WAC: variants seen among roughly 807,000 people sequenced by gnomAD.
The protein encoded by WAC is WW domain-containing adapter protein with coiled-coil.
WAC carries 11 observed loss-of-function variants against 79.6 expected under a neutral mutation model. That is an observed-to-expected ratio of 0.14 (90% CI 0.09 to 0.23). WAC has a LOEUF of 0.23. Ranked by LOEUF, WAC falls within the 10% of genes least tolerant of loss-of-function variation. WAC has a pLI of 1.00. For missense variants in WAC, 728 were observed against 773.5 expected (o/e 0.94, Z 0.70); for synonymous variants, 304 against 276.9 (o/e 1.10, Z -0.97).
intron 13 of WAC, among the ~76,000 whole-genome samples, chr10:28,619,069 A>G (rs61848526): frequency 0.017 from 2,643 of 152,350 alleles, 33 homozygotes; most frequent in Middle Eastern, 0.037. Context: ...ACCTGAGGTC[A>G]GGAGTTCAAG....
chr10:28,618,605 A>T (rs1841575061), intron 13 of WAC, among the ~76,000 whole-genome samples: 1 of 152,256 alleles, frequency 6.6e-6, no homozygotes, highest in South Asian at 2.1e-4. Context: ...TTAGGAAAAC[A>T]GTATATACAG....
chr10:28,570,271 C>T (rs913844305), intron 3 of WAC, among the ~76,000 whole-genome samples: 1 of 152,094 alleles, frequency 6.6e-6, no homozygotes, highest in Admixed American at 6.5e-5. Flanking sequence ...TAGTTACCAA[C>T]TTTTATTCTA....
chr10:28,603,220 A>G (rs1840725503), intron 7 of WAC, among the ~76,000 whole-genome samples: 1 of 152,246 alleles, frequency 6.6e-6, no homozygotes, highest in Non-Finnish European at 1.5e-5. Flanking sequence ...AAATAAACTA[A>G]TGATAGCTGA....
At position 28,619,959 on chromosome 10, in the gene WAC, T is replaced by TAA. The variant is rs1564424907; in HGVS notation, c.*353_*354insAA. The TAA allele has an allele frequency of 1.4e-5, 2 of 146,036 alleles. No homozygotes were observed. The highest frequency in any genetic ancestry group is 2.2e-4 in the South Asian group (1 of 4,498). The allele number at this position is 146,036 out of a possible 1,614,324, so 9.0% of individuals were successfully genotyped here. ...AAACCTGTCTGCAAAATTAGCTTTT[T>TAA]TAAAAAAAAAAAAAAAAAAATTGGG... On this transcript the variant is annotated 3_prime_UTR_variant, in exon 14 of 14. Transcript: ENST00000354911.
intron 3 of WAC, among the ~76,000 whole-genome samples, chr10:28,572,502 G>A (rs895149677): frequency 4.6e-5 from 7 of 152,092 alleles, no homozygotes; most frequent in South Asian, 2.1e-4. Context: ...GATACAGAAT[G>A]TATAAAGGAT....
chr10:28,543,113 G>A (rs1837152441), intron 3 of WAC, among the ~76,000 whole-genome samples: 1 of 152,200 alleles, frequency 6.6e-6, no homozygotes, highest in Non-Finnish European at 1.5e-5. Flanking sequence ...TGTATACTAA[G>A]CACCTGGAGA....
At chr10:28,537,339 TC>T (rs1247830801) in intron 3 of WAC, among the ~76,000 whole-genome samples, 5 of 152,194 alleles carry the variant, frequency 3.3e-5, no homozygotes, top group African/African-American at 4.8e-5. Context: ...CAACCACTCT[TC>T]TATAGTGGAT....
intron 3 of WAC, among the ~76,000 whole-genome samples, chr10:28,575,875 C>T (rs2132579259): frequency 6.6e-6 from 1 of 152,320 alleles, no homozygotes; most frequent in East Asian, 1.9e-4. Context: ...AAATGAAGTA[C>T]TGTGTATGTG....
chr10:28,534,559 G>A (rs910915975), intron 2 of WAC, among the ~76,000 whole-genome samples: 5 of 152,326 alleles, frequency 3.3e-5, no homozygotes, highest in Admixed American at 6.5e-5. Flanking sequence ...GTTTCTGTAA[G>A]AATTGAGGTC....
rs1408509280 is a variant in WAC, at chr10:28,621,163, TTTC to T, written c.*1572_*1574del. On this transcript the variant is annotated 3_prime_UTR_variant, in exon 14 of 14. Transcript: ENST00000354911. ...TCTTGCCATCTGATTTAGAAAGGTG[TTTC>T]TTCTTCTTCTTCTTTTTTTTCTTTA... The T allele has an allele frequency of 2.1e-5, 3 of 145,070 alleles. No individual in the cohort carries two copies. Among genetic ancestry groups the T allele is most frequent in the Admixed American group, 6.8e-5 (1 of 14,790 alleles). The allele number at this position is 145,070 out of a possible 1,614,324, so 9.0% of individuals were successfully genotyped here.
intron 1 of WAC, 23 bp downstream of exon 1, chr10:28,533,643 G>A (rs1395346202): frequency 6.3e-7 from 1 of 1,599,920 alleles, no homozygotes; most frequent in South Asian, 1.1e-5. Context: ...TTCGTTTCGG[G>A]CCGGGCGGCG....
chr10:28,580,871 C>CT (rs1214856157), intron 3 of WAC, among the ~76,000 whole-genome samples: 2 of 152,138 alleles, frequency 1.3e-5, no homozygotes, highest in East Asian at 1.9e-4. Flanking sequence ...TGGTGATTCT[C>CT]TAAGACTCTC....
rs1049465579 is a variant in WAC at position 28,610,562 on chromosome 10, A to G, written c.1166-137A>G. ...ATTTGGGACCCATTGTATTACTCCT[A>G]TCTAGTAGGCTTTTATTTTGAGAGT... On this transcript the variant is annotated intron_variant, in intron 8 of 13. Transcript: ENST00000354911. The G allele has an allele frequency of 1.3e-4, 106 of 838,316 alleles. No homozygotes were observed. The African/African-American group carries it at 1.5e-3, about 12-fold the overall frequency. The allele number at this position is 838,316 out of a possible 1,614,324, so 51.9% of individuals were successfully genotyped here.
chr10:28,618,654 G>C (rs1268247653), intron 13 of WAC, among the ~76,000 whole-genome samples: 6 of 152,192 alleles, frequency 3.9e-5, no homozygotes, highest in Non-Finnish European at 8.8e-5. Context: ...TAATTCATGT[G>C]TACAGGCAAT....
At chr10:28,576,590 A>G (rs950879730) in intron 3 of WAC, among the ~76,000 whole-genome samples, 16 of 152,218 alleles carry the variant, frequency 1.1e-4, no homozygotes, top group African/African-American at 3.6e-4. Flanking sequence ...TATACAGTAC[A>G]ATTTGCATAG....
intron 3 of WAC, among the ~76,000 whole-genome samples, chr10:28,554,181 T>A (rs923437184): frequency 1.1e-4 from 16 of 152,296 alleles, no homozygotes; most frequent in African/African-American, 3.8e-4. Flanking sequence ...AGAGGTGATT[T>A]TAAGTACACA....
At chr10:28,565,688 T>C (rs1838562961) in intron 3 of WAC, among the ~76,000 whole-genome samples, 1 of 152,250 alleles carries the variant, frequency 6.6e-6, no homozygotes, top group Non-Finnish European at 1.5e-5. Context: ...ACCTGAATTT[T>C]TAAAAGGAAT....
At chr10:28,612,887 C>A (rs964341946) in intron 10 of WAC, among the ~76,000 whole-genome samples, 6 of 152,152 alleles carry the variant, frequency 3.9e-5, no homozygotes, top group Non-Finnish European at 8.8e-5. Context: ...GAGCTTAGAA[C>A]TTGTCTTCAG....
In WAC at chr10:28,608,423, T is replaced by C. The variant is rs1841063360; in HGVS notation, c.1157T>C (p.Ile386Thr). Residue 386 changes from isoleucine to threonine, a missense_variant, in exon 8 of 14, where the codon ATA (isoleucine) becomes ACA (threonine). Coordinates refer to ENST00000354911, the MANE Select transcript of WAC (RefSeq NM_016628.5). Reference protein sequence around the residue: ...LNNSNVDISKINEVLTAAVTQ... With the variant: ...LNNSNVDISKTNEVLTAAVTQ... ...AATTCTAATGTGGACATATCTAAAA[T>C]AAATGAAGGTAAATCTTCATAACAG... 6.3e-7 allele frequency: 1 copy of C among 1,584,182 alleles called. No individual in the cohort carries two copies. Among genetic ancestry groups the C allele is most frequent in the African/African-American group, 1.4e-5 (1 of 73,796 alleles).
Sources: allele counts gnomAD v4.1 joint callset (sites outside exome capture counted in the v4.1 genomes callset), GRCh38; gene constraint gnomAD v4.1.1; transcripts MANE v1.5; gene names NCBI Gene and HGNC (gene_info 2026-07-23, HGNC 2026-07-21).